PLCB1: variants seen among roughly 807,000 people sequenced by gnomAD.
PLCB1 encodes the protein phospholipase C beta 1, also known as 1-phosphatidylinositol 4,5-bisphosphate phosphodiesterase beta-1.
A neutral mutation model predicts 161.8 loss-of-function variants in PLCB1; 46 were observed. The ratio of observed to expected loss-of-function variants is 0.28; its 90% CI spans 0.22 to 0.36. The LOEUF (loss-of-function observed/expected upper bound fraction) is 0.36, where lower values mean the gene tolerates loss of function less well. Among genes scored for constraint, PLCB1 ranks in the 10% least tolerant of loss-of-function variants. PLCB1 has a pLI of 1.00. For missense variants in PLCB1, 1,016 were observed against 1,472.5 expected (o/e 0.69, Z 5.07); for synonymous variants, 517 against 503.7 (o/e 1.03, Z -0.35).
At chr20:8,582,992 A>C (rs1046795758) in intron 3 of PLCB1, among the ~76,000 whole-genome samples, 8 of 151,626 alleles carry the variant, frequency 5.3e-5, no homozygotes, top group Middle Eastern at 3.2e-3. Context: ...CCATCTCAAA[A>C]AAAAAAAAAA....
intron 2 of PLCB1, among the ~76,000 whole-genome samples, chr20:8,282,841 T>C (rs894365528): frequency 6.6e-6 from 1 of 152,188 alleles, no homozygotes; most frequent in Non-Finnish European, 1.5e-5. Flanking sequence ...TAAGGGATCA[T>C]GGTAGGACTT....
chr20:8,672,997 A>G (rs1463979449), intron 9 of PLCB1, among the ~76,000 whole-genome samples: 1 of 152,042 alleles, frequency 6.6e-6, no homozygotes, highest in Non-Finnish European at 1.5e-5. Flanking sequence ...CTGTAATCCC[A>G]GCTACTCAGG....
chr20:8,304,052 A>T (rs1470773549), intron 2 of PLCB1, among the ~76,000 whole-genome samples: 1 of 152,182 alleles, frequency 6.6e-6, no homozygotes, highest in African/African-American at 2.4e-5. Flanking sequence ...AGCTCCTATG[A>T]CAGCTCTCTG....
At chr20:8,723,197 A>ATGT (rs1410972397) in intron 15 of PLCB1, among the ~76,000 whole-genome samples, 5 of 152,200 alleles carry the variant, frequency 3.3e-5, no homozygotes, top group African/African-American at 1.2e-4. Flanking sequence ...TTGCTTAATT[A>ATGT]TGTTCCCTCA....
intron 3 of PLCB1, among the ~76,000 whole-genome samples, chr20:8,611,047 A>G (rs751367733): frequency 1.3e-5 from 2 of 152,046 alleles, no homozygotes; most frequent in Non-Finnish European, 2.9e-5. Flanking sequence ...TTTTCTAGGA[A>G]AATCAACCTA....
intron 2 of PLCB1, among the ~76,000 whole-genome samples, chr20:8,203,235 T>TGGGA (rs1478898285): frequency 6.6e-6 from 1 of 151,940 alleles, no homozygotes; most frequent in African/African-American, 2.4e-5. Flanking sequence ...AATAGGAACG[T>TGGGA]GGGACCGACA....
intron 3 of PLCB1, among the ~76,000 whole-genome samples, chr20:8,499,173 G>C (rs1983301359): frequency 6.6e-6 from 1 of 152,218 alleles, no homozygotes; most frequent in Non-Finnish European, 1.5e-5. Context: ...AGTATTTGAT[G>C]ATGACTTCTC....
At chr20:8,159,462 T>G (rs2123047601) in intron 2 of PLCB1, among the ~76,000 whole-genome samples, 1 of 152,256 alleles carries the variant, frequency 6.6e-6, no homozygotes, top group South Asian at 2.1e-4. Flanking sequence ...TGAAGACATC[T>G]GACATGCCCT....
chr20:8,740,508 T>A, intron 22 of PLCB1, 60 bp downstream of exon 22: 1 of 972,290 alleles, frequency 1.0e-6, no homozygotes, highest in South Asian at 1.8e-5. Flanking sequence ...TGAGTCACCA[T>A]ATATTTTTGG....
At chr20:8,310,134 T>C (rs961581881) in intron 2 of PLCB1, among the ~76,000 whole-genome samples, 1 of 152,192 alleles carries the variant, frequency 6.6e-6, no homozygotes, top group Admixed American at 6.5e-5. Flanking sequence ...GGAGTTTACC[T>C]TCAGAGCTTT....
At chr20:8,226,605 G>A (rs530542708) in intron 2 of PLCB1, among the ~76,000 whole-genome samples, 4 of 151,868 alleles carry the variant, frequency 2.6e-5, no homozygotes, top group Admixed American at 6.6e-5. Flanking sequence ...CAGAATTGAC[G>A]CAATGACTTC....
chr20:8,135,909 A>G (rs1201725606), intron 1 of PLCB1, among the ~76,000 whole-genome samples: 1 of 152,114 alleles, frequency 6.6e-6, no homozygotes, highest in Non-Finnish European at 1.5e-5. Context: ...TCTTGATCTA[A>G]GCTAGGGAGC....
intron 2 of PLCB1, among the ~76,000 whole-genome samples, chr20:8,158,435 C>G (rs546458176): frequency 6.6e-4 from 101 of 152,244 alleles, no homozygotes; most frequent in African/African-American, 2.3e-3. Context: ...AGAGGTCTCA[C>G]CCACAACATA....
chr20:8,697,821 G>T (rs1288374055), intron 11 of PLCB1, 38 bp downstream of exon 11: 2 of 1,596,108 alleles, frequency 1.3e-6, no homozygotes, highest in South Asian at 1.1e-5. Context: ...GGCAGCTGGA[G>T]ACACCTGATT....
intron 2 of PLCB1, among the ~76,000 whole-genome samples, chr20:8,209,901 G>A (rs187732876): frequency 4.6e-5 from 7 of 152,112 alleles, no homozygotes; most frequent in Admixed American, 2.6e-4. Flanking sequence ...GCAGTGGAGC[G>A]ATCCTAGCTC....
intron 2 of PLCB1, among the ~76,000 whole-genome samples, chr20:8,328,735 G>C (rs1482083911): frequency 6.6e-6 from 1 of 152,134 alleles, no homozygotes; most frequent in East Asian, 1.9e-4. Flanking sequence ...TATGCTCTGA[G>C]ACAGATGCCT....
At chr20:8,534,539 G>A (rs1362997859) in intron 3 of PLCB1, among the ~76,000 whole-genome samples, 1 of 152,110 alleles carries the variant, frequency 6.6e-6, no homozygotes, top group Non-Finnish European at 1.5e-5. Context: ...GGCTGTTGGA[G>A]TCCCTGCTGA....
At chr20:8,304,628 A>G (rs1984048303) in intron 2 of PLCB1, among the ~76,000 whole-genome samples, 1 of 150,216 alleles carries the variant, frequency 6.7e-6, no homozygotes, top group Admixed American at 6.6e-5. Flanking sequence ...ATCTTCTTTG[A>G]GAGTGCTTTG....
In PLCB1 at chr20:8,320,866, AAAAG is replaced by A. The variant is rs1211201432; in HGVS notation, c.178-50508_178-50505del. 3.3e-3 allele frequency among the ~76,000 whole-genome samples: 504 copies of A among 151,712 alleles called. 3 individuals carry two copies. Among genetic ancestry groups the A allele is most frequent in the African/African-American group, 0.011 (452 of 41,372 alleles). On this transcript the variant is annotated intron_variant, in intron 2 of 31. Coordinates refer to ENST00000338037, the MANE Select transcript of PLCB1 (RefSeq NM_015192.4). ...GGGAGGGAGGGAAAGAGAGAGAAAG[AAAAG>A]AAAGAAAAAGGAAAGAAAGAAAGAG...
Sources: allele counts gnomAD v4.1 joint callset (sites outside exome capture counted in the v4.1 genomes callset), GRCh38; gene constraint gnomAD v4.1.1; transcripts MANE v1.5; gene names NCBI Gene and HGNC (gene_info 2026-07-23, HGNC 2026-07-21).